Variants in VRK2 observed in about 807,000 individuals in gnomAD.
The protein encoded by VRK2 is serine/threonine-protein kinase VRK2.
A neutral mutation model predicts 57.6 loss-of-function variants in VRK2; 60 were observed. That is an observed-to-expected ratio of 1.04 (90% CI 0.85 to 1.29). The LOEUF (loss-of-function observed/expected upper bound fraction) is 1.29. Ranked by LOEUF, VRK2 falls within the 50% of genes most tolerant of loss-of-function variation. The pLI, the probability that VRK2 is intolerant of heterozygous loss-of-function variation, is 0.00. For synonymous variants in VRK2, 231 were observed against 199.2 expected (o/e 1.16, Z -1.35); for missense variants, 705 against 588.1 (o/e 1.20, Z -2.06).
At chr2:57,916,956 T>A (rs1670176712) in intron 1 of VRK2, among the ~76,000 whole-genome samples, 1 of 152,214 alleles carries the variant, frequency 6.6e-6, no homozygotes, top group Non-Finnish European at 1.5e-5. Context: ...TGTAAAGTAC[T>A]ATTTTAGAAG....
chr2:58,007,865 T>A (rs1673298951), intron 1 of VRK2, among the ~76,000 whole-genome samples: 1 of 152,134 alleles, frequency 6.6e-6, no homozygotes, highest in African/African-American at 2.4e-5. Context: ...AAATACAACA[T>A]TTCTAAATGT....
rs1203449429 is a variant in VRK2, at chr2:57,983,348, AT to A, written c.-438-42315del. On this transcript the variant is annotated intron_variant, in intron 1 of 15. Coordinates refer to the VRK2 transcript ENST00000417641. ...TTCTCAGCTTTTAAGGACTCATTTG[AT>A]TAGATTGGGCCCACCTGGGTAACCT... Among the ~76,000 whole-genome samples, 3 of 152,156 alleles carry A rather than the reference AT, an allele frequency of 2.0e-5. No homozygotes were observed. The East Asian group carries it at 5.8e-4, about 29-fold the overall frequency.
intron 1 of VRK2, among the ~76,000 whole-genome samples, chr2:57,989,691 G>T (rs1414306971): frequency 6.6e-6 from 1 of 152,146 alleles, no homozygotes; most frequent in African/African-American, 2.4e-5. Flanking sequence ...TGAAAGATAA[G>T]CTGAGATGTA....
chr2:58,014,924 T>C (rs1673529925), intron 1 of VRK2, among the ~76,000 whole-genome samples: 1 of 152,210 alleles, frequency 6.6e-6, no homozygotes, highest in Non-Finnish European at 1.5e-5. Context: ...TCTGCTTCTT[T>C]TTTTTAGGTT....
chr2:58,111,148 GT>G lies in VRK2; in HGVS notation c.544-11951del, dbSNP rs1470544185. ...AGTTGTTTATTGGAGGAGTCGAGAA[GT>G]TCACTAAAATAACAAAACCCTTGGA... is the stretch of plus-strand genomic sequence containing the variant. On this transcript the variant is annotated intron_variant, in intron 7 of 12. Coordinates refer to ENST00000340157, the MANE Select transcript of VRK2 (RefSeq NM_006296.7). 3.3e-5 allele frequency among the ~76,000 whole-genome samples: 5 copies of G among 152,178 alleles called. No individual in the cohort carries two copies. The East Asian group carries it at 9.6e-4, about 29-fold the overall frequency.
At chr2:57,988,726 C>A (rs185310020) in intron 1 of VRK2, among the ~76,000 whole-genome samples, 5 of 152,332 alleles carry the variant, frequency 3.3e-5, no homozygotes, top group South Asian at 4.1e-4. Flanking sequence ...TCTTCCCAGA[C>A]CTTCAACTCC....
chr2:57,967,759 TA>T (rs1298479394), intron 1 of VRK2, among the ~76,000 whole-genome samples: 1 of 150,554 alleles, frequency 6.6e-6, no homozygotes, highest in Non-Finnish European at 1.5e-5. Flanking sequence ...TTCTGCTCCT[TA>T]ATCAGCTTTT....
At chr2:58,027,094 A>G (rs1487577339) in intron 2 of VRK2, among the ~76,000 whole-genome samples, 1 of 152,082 alleles carries the variant, frequency 6.6e-6, no homozygotes, top group Non-Finnish European at 1.5e-5. Flanking sequence ...AAGTAATAAT[A>G]AGTTGAGTAG....
chr2:57,930,792 T>A (rs1670696964), intron 1 of VRK2, among the ~76,000 whole-genome samples: 1 of 152,178 alleles, frequency 6.6e-6, no homozygotes, highest in African/African-American at 2.4e-5. Context: ...CTATTCTTGT[T>A]TCTATGAGTT....
At chr2:58,045,550 G>A (rs543748429), upstream of VRK2, among the ~76,000 whole-genome samples, 16 of 152,244 alleles carry the variant, frequency 1.1e-4, no homozygotes, top group African/African-American at 3.4e-4. Flanking sequence ...GGACACTGTT[G>A]GACCAGTGAA....
At chr2:58,082,697 A>G (rs1671062260) in intron 2 of VRK2, among the ~76,000 whole-genome samples, 1 of 151,884 alleles carries the variant, frequency 6.6e-6, no homozygotes, top group African/African-American at 2.4e-5. Flanking sequence ...TTGCATGGGT[A>G]AAAATGAAAT....
chr2:58,085,321 A>G (rs1165895995), intron 4 of VRK2, among the ~76,000 whole-genome samples: 2 of 151,940 alleles, frequency 1.3e-5, no homozygotes, highest in Non-Finnish European at 2.9e-5. Flanking sequence ...GGAAGTAGAT[A>G]TATGTATAAA....
intron 1 of VRK2, among the ~76,000 whole-genome samples, chr2:57,916,669 G>T (rs1486730934): frequency 6.6e-6 from 1 of 152,056 alleles, no homozygotes; most frequent in African/African-American, 2.4e-5. Context: ...GGAAACTAAT[G>T]CTTAGCTAAT....
chr2:58,113,196 C>T (rs1558651044), intron 7 of VRK2, among the ~76,000 whole-genome samples: 2 of 151,844 alleles, frequency 1.3e-5, no homozygotes, highest in Non-Finnish European at 2.9e-5. Flanking sequence ...GTAATCCCAG[C>T]TACTCAGGAG....
chr2:58,016,396 G>A (rs1673584067), intron 1 of VRK2, among the ~76,000 whole-genome samples: 1 of 152,098 alleles, frequency 6.6e-6, no homozygotes, highest in African/African-American at 2.4e-5. Flanking sequence ...TCCCAGGCGG[G>A]AATGCAGTGG....
At chr2:58,098,443 G>C (rs1433379395) in intron 7 of VRK2, among the ~76,000 whole-genome samples, 5 of 152,026 alleles carry the variant, frequency 3.3e-5, no homozygotes, top group African/African-American at 9.7e-5. Context: ...TTCCAGTCTT[G>C]TAAGTTCCAT....
At chr2:58,005,373 T>C (rs552097849) in intron 1 of VRK2, among the ~76,000 whole-genome samples, 1 of 152,204 alleles carries the variant, frequency 6.6e-6, no homozygotes, top group East Asian at 1.9e-4. Flanking sequence ...AGTGTGTAGA[T>C]TAAAATGAAA....
intron 1 of VRK2, among the ~76,000 whole-genome samples, chr2:57,988,522 C>G (rs1033305995): frequency 1.3e-5 from 2 of 152,190 alleles, no homozygotes; most frequent in African/African-American, 4.8e-5. Flanking sequence ...GAAAGATCCA[C>G]CCTAATCAAT....
At chr2:57,947,370 C>T (rs561787628) in intron 1 of VRK2, among the ~76,000 whole-genome samples, 1 of 152,196 alleles carries the variant, frequency 6.6e-6, no homozygotes, top group African/African-American at 2.4e-5. Context: ...TTTACACATG[C>T]ACATTCAAAC....
Sources: gnomAD v4.1 joint callset for allele counts (sites outside exome capture counted in the v4.1 genomes callset) on GRCh38, gnomAD v4.1.1 for gene constraint, MANE v1.5 for transcripts, NCBI Gene and HGNC (gene_info 2026-07-23, HGNC 2026-07-21) for gene names.